Variants in ZNF226 observed in about 807,000 individuals in gnomAD.
ZNF226 encodes the protein zinc finger protein 226.
In ZNF226, 6 loss-of-function variants were observed where a neutral mutation model predicts 11.4. That is an observed-to-expected ratio of 0.53 (90% CI 0.29 to 1.04). The LOEUF is 1.04. Among genes scored for constraint, ZNF226 ranks in the 50% least tolerant of loss-of-function variants. ZNF226 has a pLI of 0.08. For missense variants in ZNF226, 1,058 were observed against 956.5 expected (o/e 1.11, Z -1.40); for synonymous variants, 350 against 322.8 (o/e 1.08, Z -0.90).
At chr19:44,170,657 C>T (rs1035218088) in intron 3 of ZNF226, among the ~76,000 whole-genome samples, 5 of 152,296 alleles carry the variant, frequency 3.3e-5, no homozygotes, top group Admixed American at 6.5e-5. Flanking sequence ...TGGCCTGAAC[C>T]TGGGAGGCGG....
In ZNF226 at chr19:44,172,965, C is replaced by G. The variant is rs1359358481; in HGVS notation, c.235+13C>G. On this transcript the variant is annotated intron_variant, in intron 5 of 5. Coordinates refer to ENST00000337433, the MANE Select transcript of ZNF226 (RefSeq NM_001032373.2). ...CAGGGAAATTTAGGTAAAAACCAAA[C>G]AGTTATGAGTTCTTATAGTTAACTG... 2 of 1,577,768 alleles carry G rather than the reference C, an allele frequency of 1.3e-6. No homozygotes were observed. Among genetic ancestry groups the G allele is most frequent in the African/African-American group, 2.7e-5 (2 of 74,218 alleles).
At chr19:44,191,334 T>C in the ZNF226 span, among the ~76,000 whole-genome samples, 1 of 152,280 alleles carries the variant, frequency 6.6e-6, no homozygotes, top group African/African-American at 2.4e-5. Flanking sequence ...CTATTGTATT[T>C]AGCATTTTAA....
In ZNF226 at chr19:44,172,079, T is replaced by C; in HGVS notation, c.16-9T>C. The C allele has an allele frequency of 1.2e-6, 2 of 1,609,164 alleles. No individual in the cohort carries two copies. The highest frequency in any genetic ancestry group is 1.7e-4 in the Middle Eastern group (1 of 6,036). ...GTTGTAAGATTGAGGTCATTTGTTTTTGTCGTAGGAAGCAGTGACCTTCAA... is the reference window on the plus strand; with the variant it reads ...GTTGTAAGATTGAGGTCATTTGTTTCTGTCGTAGGAAGCAGTGACCTTCAA... On this transcript the variant is annotated splice_polypyrimidine_tract_variant and intron_variant, in intron 3 of 5. Coordinates refer to ENST00000337433, the MANE Select transcript of ZNF226 (RefSeq NM_001032373.2).
At chr19:44,167,935 A>G (rs1422777956) in intron 2 of ZNF226, 4 of 152,150 alleles carry the variant, frequency 2.6e-5, no homozygotes, top group African/African-American at 2.4e-5. Flanking sequence ...GTTTTAGGCA[A>G]TGGGTTTGTT....
chr19:44,175,532 A>G lies in ZNF226; in HGVS notation c.270A>G (p.Gln90=), dbSNP rs370831166. 1.9e-6 allele frequency: 3 copies of G among 1,609,860 alleles called. No homozygotes were observed. Among genetic ancestry groups the G allele is most frequent in the Non-Finnish European group, 2.5e-6 (3 of 1,178,148 alleles). The change falls in exon 6 of 6, where the codon CAA becomes CAG. Residue 90 remains glutamine (Q), a synonymous_variant. Transcript: ENST00000337433. ...EKNQSKLITV[Q]DRESEEELSC... is the part of the protein sequence containing the mutation. ...ATCAAAGTAAGTTAATTACTGTTCA[A>G]GACAGAGAATCAGAAGAAGAGCTTT... is the stretch of plus-strand genomic sequence containing the variant.
chr19:44,183,958 A>G, the ZNF226 span, among the ~76,000 whole-genome samples: 1 of 152,312 alleles, frequency 6.6e-6, no homozygotes, highest in Non-Finnish European at 1.5e-5. Flanking sequence ...AGGGATTGGT[A>G]AACTATGTTT....
chr19:44,175,872 G>C lies in ZNF226; in HGVS notation c.610G>C (p.Asp204His), dbSNP rs1353960849. ...NKLCQCKKGV[D>H]PIGWISHHDG... Reference sequence around the variant, plus strand: ...ATTATGTCAATGTAAGAAGGGTGTTGATCCCATCGGTTGGATTTCACATCA... The same window carrying C: ...ATTATGTCAATGTAAGAAGGGTGTTCATCCCATCGGTTGGATTTCACATCA... The change falls in exon 6 of 6, where the codon GAT becomes CAT. Residue 204 changes from aspartate (D) to histidine (H), a missense_variant. By Grantham distance (81) the Asp-to-His change is moderately conservative. Coordinates refer to ENST00000337433, the MANE Select transcript of ZNF226 (RefSeq NM_001032373.2). 1.1e-5 allele frequency: 17 copies of C among 1,613,232 alleles called. No homozygotes were observed. The Admixed American group carries it at 2.0e-4, about 19-fold the overall frequency.
intron 3 of ZNF226, among the ~76,000 whole-genome samples, 161 bp from the exon 4 acceptor site, chr19:44,171,927 G>A (rs1970141903): frequency 6.6e-6 from 1 of 152,216 alleles, no homozygotes; most frequent in African/African-American, 2.4e-5. Flanking sequence ...TTTCACAGCA[G>A]CACTTTTGGT....
chr19:44,180,981 T>C (rs1970898658), downstream of ZNF226, among the ~76,000 whole-genome samples: 1 of 152,164 alleles, frequency 6.6e-6, no homozygotes, highest in Non-Finnish European at 1.5e-5. Flanking sequence ...GTTAGGTAGT[T>C]TACTACTCAC....
Position 44,172,923 on chromosome 19 carries a change from C to T in ZNF226, c.206C>T (p.Thr69Met), listed in dbSNP as rs371422117. Residue 69 changes from threonine to methionine, a missense_variant, in exon 5 of 6, where the codon ACG becomes ATG. Thr to Met is a moderately conservative substitution (Grantham distance 81, BLOSUM62 -1). Transcript: ENST00000337433. ...IERNEQLWIMTTATRRQGNLG... is the reference protein window; with the variant it reads ...IERNEQLWIMMTATRRQGNLG... ...AGAAATGAGCAGCTTTGGATAATGA[C>T]GACAGCAACCCGAAGACAGGGAAAT... 107 of 1,604,454 alleles carry T rather than the reference C, an allele frequency of 6.7e-5. No individual in the cohort carries two copies. Among genetic ancestry groups the T allele is most frequent in the African/African-American group, 1.7e-4 (13 of 74,814 alleles).
the ZNF226 span, among the ~76,000 whole-genome samples, chr19:44,184,210 A>G: frequency 2.4e-3 from 364 of 152,244 alleles, 3 homozygotes; most frequent in Middle Eastern, 0.01. Context: ...TTCTAAGCAG[A>G]AAGAAGCAAT....
At chr19:44,167,437 A>G (rs985874980) in intron 2 of ZNF226, among the ~76,000 whole-genome samples, 2 of 141,422 alleles carry the variant, frequency 1.4e-5, no homozygotes, top group Admixed American at 7.1e-5. Context: ...TCCTGCCTCA[A>G]CCTCCCAAAC....
At chr19:44,175,136 T>G in intron 5 of ZNF226, 1 of 1,532,262 alleles carries the variant, frequency 6.5e-7, no homozygotes, top group Non-Finnish European at 8.7e-7. Flanking sequence ...TATGAATGAC[T>G]GCCGGGCAGT....
chr19:44,174,800 T>C (rs977586424), intron 5 of ZNF226: 1 of 428,328 alleles, frequency 2.3e-6, no homozygotes, highest in East Asian at 3.6e-5. Context: ...CCTTCCAATT[T>C]TGACTCAGTG....
At chr19:44,196,030 C>T in the ZNF226 span, among the ~76,000 whole-genome samples, 3 of 146,990 alleles carry the variant, frequency 2.0e-5, no homozygotes, top group Non-Finnish European at 2.9e-5. Flanking sequence ...GAGTAGTGTA[C>T]TTCATAGTTT....
chr19:44,197,057 A>G, the ZNF226 span, among the ~76,000 whole-genome samples: 1,255 of 152,266 alleles, frequency 8.2e-3, 17 homozygotes, highest in African/African-American at 0.029. Context: ...ACCATATTGT[A>G]TATATCCTTT....
chr19:44,169,690 G>C (rs1969852304), intron 2 of ZNF226: 1 of 171,462 alleles, frequency 5.8e-6, no homozygotes, highest in East Asian at 1.6e-4. Flanking sequence ...GATGTTAATA[G>C]TTTCCCCAAG....
At chr19:44,173,151 C>G (rs1970304532) in intron 5 of ZNF226, 199 bp downstream of exon 5, 4 of 591,878 alleles carry the variant, frequency 6.8e-6, no homozygotes. Flanking sequence ...TTTTTGTTAC[C>G]TTGTGTCAGA....
rs773473609 is a variant in ZNF226 at position 44,176,125 on chromosome 19, G to A, written c.863G>A (p.Gly288Asp). 6.2e-7 allele frequency: 1 copy of A among 1,614,166 alleles called. No homozygotes were observed. The highest frequency in any genetic ancestry group is 8.5e-7 in the Non-Finnish European group (1 of 1,180,026). Residue 288 changes from glycine (G) to aspartate (D), a missense_variant, in exon 6 of 6, where the codon GGC (glycine) becomes GAC (aspartate). Physicochemically the swap from Gly to Asp is moderately conservative, Grantham distance 94. Coordinates refer to ENST00000337433, the MANE Select transcript of ZNF226 (RefSeq NM_001032373.2). Reference sequence around the variant, plus strand: ...CTTACATGTGTTGAGCGTGGAAAAGGCTTCTGTTACAGCCCAGTTCTTCCT... The same window carrying A: ...CTTACATGTGTTGAGCGTGGAAAAGACTTCTGTTACAGCCCAGTTCTTCCT... ...KSLTCVERGKGFCYSPVLPVH... is the reference protein window; with the variant it reads ...KSLTCVERGKDFCYSPVLPVH...
Sources: gnomAD v4.1 joint callset for allele counts (sites outside exome capture counted in the v4.1 genomes callset) on GRCh38, gnomAD v4.1.1 for gene constraint, MANE v1.5 for transcripts, NCBI Gene and HGNC (gene_info 2026-07-23, HGNC 2026-07-21) for gene names.